The following AOPEP variants were observed in gnomAD, a reference collection of about 807,000 sequenced individuals.
The protein encoded by AOPEP is aminopeptidase O (putative).
In AOPEP, 77 loss-of-function variants were observed where a neutral mutation model predicts 98.1. The observed-to-expected ratio is 0.78, with a 90% CI of 0.65 to 0.95. The LOEUF (loss-of-function observed/expected upper bound fraction) is 0.95. Among genes scored for constraint, AOPEP ranks in the 40% least tolerant of loss-of-function variants. The pLI, the probability that AOPEP is intolerant of heterozygous loss-of-function variation, is 0.00. For synonymous variants in AOPEP, 346 were observed against 365.3 expected, an observed-to-expected ratio of 0.95 and a Z score of 0.60; for missense variants, 1,024 against 1,024.7, an observed-to-expected ratio of 1.00 and a Z score of 0.01.
intron 5 of AOPEP, 127 bp downstream of exon 5, chr9:94,801,129 T>C (rs776944055): frequency 1.1e-5 from 12 of 1,114,004 alleles, no homozygotes; most frequent in Non-Finnish European, 1.6e-5. Context: ...TTGCTCATGC[T>C]TGGACATCTC....
At chr9:94,805,723 C>T (rs1019774113) in intron 5 of AOPEP, among the ~76,000 whole-genome samples, 4 of 152,080 alleles carry the variant, frequency 2.6e-5, no homozygotes, top group Non-Finnish European at 5.9e-5. Context: ...TTCTTAAGTA[C>T]CTCAATTTGC....
chr9:95,011,369 A>AT (rs994783804), intron 13 of AOPEP, among the ~76,000 whole-genome samples: 1 of 151,694 alleles, frequency 6.6e-6, no homozygotes, highest in Non-Finnish European at 1.5e-5. Flanking sequence ...TGCCCGGCTA[A>AT]TTTTTTTTGT....
chr9:95,103,615 A>G, the AOPEP span, among the ~76,000 whole-genome samples: 1 of 152,308 alleles, frequency 6.6e-6, no homozygotes, highest in South Asian at 2.1e-4. Context: ...GTGCCTGGCG[A>G]GAGGCCAGGA....
At chr9:95,123,163 C>A in the AOPEP span, among the ~76,000 whole-genome samples, 2 of 151,864 alleles carry the variant, frequency 1.3e-5, no homozygotes, top group Non-Finnish European at 2.9e-5. Flanking sequence ...ATTAGCTGGG[C>A]GTGGTGGCTT....
intron 5 of AOPEP, among the ~76,000 whole-genome samples, chr9:94,821,350 A>C (rs559282991): frequency 6.6e-6 from 1 of 152,210 alleles, no homozygotes; most frequent in Non-Finnish European, 1.5e-5. Context: ...CTTACAAACT[A>C]AAGGGAAATC....
chr9:95,086,815 T>A lies in AOPEP; in HGVS notation c.*138T>A. On this transcript the variant is annotated 3_prime_UTR_variant, in exon 17 of 17. Coordinates refer to ENST00000375315, the MANE Select transcript of AOPEP (RefSeq NM_001193329.3). Reference sequence around the variant, plus strand: ...GCCCACAGCCCTGTTCACATCTTGGTGCTTCTCTTTCCCAGAGGCTGGTCC... The same window carrying A: ...GCCCACAGCCCTGTTCACATCTTGGAGCTTCTCTTTCCCAGAGGCTGGTCC... 1.0e-6 allele frequency: 1 copy of A among 987,950 alleles called. No individual in the cohort carries two copies. The highest frequency in any genetic ancestry group is 1.2e-6 in the Non-Finnish European group (1 of 830,106). 61.2% of individuals were successfully genotyped at this position (987,950 alleles called of 1,614,324 possible). A position where few individuals can be genotyped will look rare whatever the true frequency, so the allele number is the denominator to read the frequency against.
At chr9:95,066,907 T>C (rs1175884851) in intron 14 of AOPEP, among the ~76,000 whole-genome samples, 2 of 152,196 alleles carry the variant, frequency 1.3e-5, no homozygotes, top group African/African-American at 4.8e-5. Context: ...AGTCAGTAGT[T>C]TACATACTTT....
Position 95,080,778 on chromosome 9 carries a change from C to CAT in AOPEP, c.2318_2319insTA (p.Gln773HisfsTer12). 1.2e-6 allele frequency: 2 copies of CAT among 1,611,382 alleles called. No homozygotes were observed. The highest frequency in any genetic ancestry group is 1.7e-6 in the Non-Finnish European group (2 of 1,177,548). ...TGTGGAGAGGTTCCTTCAGGAGGAT[C>CAT]AGGTAGGTGTCATCTTTCAGCAGAT... On this transcript the variant is annotated frameshift_variant and splice_region_variant, in exon 15 of 17. Transcript: ENST00000375315. LOFTEE classifies it high-confidence loss of function.
downstream of AOPEP, among the ~76,000 whole-genome samples, chr9:95,091,515 C>T (rs902346681): frequency 2.0e-5 from 3 of 152,110 alleles, no homozygotes; most frequent in African/African-American, 7.2e-5. Context: ...TATAGGGGCA[C>T]GGAGACGGTG....
intron 13 of AOPEP, among the ~76,000 whole-genome samples, chr9:95,016,313 G>A (rs2062992625): frequency 6.8e-6 from 1 of 147,450 alleles, no homozygotes; most frequent in Admixed American, 6.9e-5. Flanking sequence ...CGCGATCTTG[G>A]CCCACTGCAA....
In AOPEP at chr9:94,902,731, T is replaced by C. The variant is rs995688296; in HGVS notation, c.1365-21255T>C. Among the ~76,000 whole-genome samples the C allele has an allele frequency of 1.6e-4, 24 of 152,218 alleles. 1 individual carries two copies. The highest frequency in any genetic ancestry group is 5.8e-4 in the African/African-American group (24 of 41,544). ...CTGGGGCTCTGTATCTGTGTGTCATTTGAAAGAAAATTTAAAGCTCTTTTT... is the reference window on the plus strand; with the variant it reads ...CTGGGGCTCTGTATCTGTGTGTCATCTGAAAGAAAATTTAAAGCTCTTTTT... On this transcript the variant is annotated intron_variant, in intron 5 of 16. Transcript: ENST00000375315.
At chr9:95,080,898 C>T in intron 15 of AOPEP, 118 bp downstream of exon 15, 2 of 768,598 alleles carry the variant, frequency 2.6e-6, no homozygotes, top group Non-Finnish European at 2.3e-6. Flanking sequence ...TACAGAGATT[C>T]TTAAGGACTG....
chr9:94,838,323 G>A (rs1473613408), intron 5 of AOPEP, among the ~76,000 whole-genome samples: 1 of 152,134 alleles, frequency 6.6e-6, no homozygotes, highest in East Asian at 1.9e-4. Context: ...ACCCAATAAT[G>A]TTTTAACATT....
chr9:94,991,740 T>C (rs950985275), intron 11 of AOPEP, among the ~76,000 whole-genome samples: 3 of 152,246 alleles, frequency 2.0e-5, no homozygotes, highest in South Asian at 2.1e-4. Context: ...TTCACAAATA[T>C]GTGTCATGGA....
At chr9:95,111,873 A>T in the AOPEP span, among the ~76,000 whole-genome samples, 1 of 152,188 alleles carries the variant, frequency 6.6e-6, no homozygotes, top group Non-Finnish European at 1.5e-5. Context: ...GCCTTTGGAC[A>T]TCGGAGTCTT....
At chr9:94,820,210 T>C (rs1852740477) in intron 5 of AOPEP, among the ~76,000 whole-genome samples, 1 of 152,124 alleles carries the variant, frequency 6.6e-6, no homozygotes, top group Non-Finnish European at 1.5e-5. Flanking sequence ...CCTCCCAAAG[T>C]GCTGGGATTA....
At chr9:95,022,969 G>A (rs1317999338) in intron 13 of AOPEP, among the ~76,000 whole-genome samples, 3 of 152,146 alleles carry the variant, frequency 2.0e-5, no homozygotes, top group African/African-American at 2.4e-5. Context: ...CCCCGCTGTA[G>A]TCCGGAATGA....
rs149341435 is a variant in AOPEP at position 94,831,259 on chromosome 9, A to G, written c.1364+30257A>G. On this transcript the variant is annotated intron_variant, in intron 5 of 16. Transcript: ENST00000375315. ...TGTTAAGGAAGGGGTTCCAGTTTCA[A>G]TTTTCTGCATATGGGTAGCCAGTTC... Among the ~76,000 whole-genome samples the G allele has an allele frequency of 2.9e-3, 445 of 152,170 alleles. 1 individual carries two copies. Among genetic ancestry groups the G allele is most frequent in the Middle Eastern group, 0.01 (3 of 294 alleles).
At chr9:95,138,606 G>A in the AOPEP span, among the ~76,000 whole-genome samples, 16 of 152,146 alleles carry the variant, frequency 1.1e-4, no homozygotes, top group Admixed American at 3.3e-4. Context: ...CATGTAACAC[G>A]AATCTGTATG....
Sources: gnomAD v4.1 joint callset for allele counts (sites outside exome capture counted in the v4.1 genomes callset) on GRCh38, gnomAD v4.1.1 for gene constraint, MANE v1.5 for transcripts, NCBI Gene and HGNC (gene_info 2026-07-23, HGNC 2026-07-21) for gene names.